Variants in MYT1L observed in about 807,000 individuals in gnomAD.
The protein encoded by MYT1L is myelin transcription factor 1-like protein.
In MYT1L, 12 loss-of-function variants were observed where a neutral mutation model predicts 126.7. The ratio of observed to expected loss-of-function variants is 0.09; its 90% CI spans 0.06 to 0.15. The LOEUF (loss-of-function observed/expected upper bound fraction) is 0.15, where lower values mean the gene tolerates loss of function less well. Ranked by LOEUF, MYT1L falls within the 10% of genes least tolerant of loss-of-function variation. The pLI, the probability that MYT1L is intolerant of heterozygous loss-of-function variation, is 1.00. For missense variants in MYT1L, 979 were observed against 1,585.2 expected, an observed-to-expected ratio of 0.62 and a Z score of 6.49; for synonymous variants, 541 against 604.2, an observed-to-expected ratio of 0.90 and a Z score of 1.53.
Position 1,793,809 on chromosome 2 carries a change from T to C in MYT1L, c.3277-1345A>G, listed in dbSNP as rs941676605. 1.3e-5 allele frequency among the ~76,000 whole-genome samples: 2 copies of C among 152,108 alleles called. No individual in the cohort carries two copies. The highest frequency in any genetic ancestry group is 4.8e-5 in the African/African-American group (2 of 41,412). On this transcript the variant is annotated intron_variant, in intron 23 of 24. Coordinates refer to ENST00000647738, the MANE Select transcript of MYT1L (RefSeq NM_001303052.2). This position sits in a 1 kb window ranked among gnomAD's most constrained non-coding sequence, Gnocchi z 4.6. Reference sequence around the variant, plus strand: ...CTCATTCGTGTTCTTTGGGGTTATTTATCAAATTAATGTTCCCCTCCCAGC... The same window carrying C: ...CTCATTCGTGTTCTTTGGGGTTATTCATCAAATTAATGTTCCCCTCCCAGC...
intron 4 of MYT1L, among the ~76,000 whole-genome samples, chr2:2,013,524 G>A (rs2149778282): frequency 6.6e-6 from 1 of 152,342 alleles, no homozygotes; most frequent in Non-Finnish European, 1.5e-5. Flanking sequence ...GAGGCTCATG[G>A]TCACCGTGAG....
At chr2:2,024,105 CTA>C (rs2065298512) in intron 4 of MYT1L, among the ~76,000 whole-genome samples, 1 of 152,142 alleles carries the variant, frequency 6.6e-6, no homozygotes, top group Admixed American at 6.5e-5. Flanking sequence ...TTTATCTTGA[CTA>C]TAATCTAAAA....
intron 1 of MYT1L, among the ~76,000 whole-genome samples, chr2:2,322,539 G>A (rs1335815331): frequency 1.3e-5 from 2 of 151,788 alleles, no homozygotes; most frequent in Non-Finnish European, 2.9e-5. Flanking sequence ...ATGTGACGGA[G>A]AGTGGCACGC....
chr2:2,173,335 T>C (rs1370503742), intron 2 of MYT1L, among the ~76,000 whole-genome samples: 1 of 152,240 alleles, frequency 6.6e-6, no homozygotes, highest in African/African-American at 2.4e-5. Flanking sequence ...CTTTAACGCT[T>C]TGATGTAATT....
chr2:1,892,215 T>TTGC lies in MYT1L; in HGVS notation c.2102_2104dup (p.Ser701dup), dbSNP rs1397107867. 1.9e-5 allele frequency: 30 copies of TTGC among 1,549,770 alleles called. No individual in the cohort carries two copies. Among genetic ancestry groups the TTGC allele is most frequent in the Non-Finnish European group, 2.3e-5 (26 of 1,146,296 alleles). On this transcript the variant is annotated inframe_insertion, in exon 15 of 25. Coordinates refer to ENST00000647738, the MANE Select transcript of MYT1L (RefSeq NM_001303052.2). The stretch of plus-strand genomic sequence containing the variant: ...GCTGCTGCCCCCGCCGCAGCTCAGG[T>TTGC]TGCTGCTGCTGCTGGGCGCGTAGCT...
At chr2:2,260,991 G>A (rs182518000) in intron 2 of MYT1L, among the ~76,000 whole-genome samples, 1 of 152,124 alleles carries the variant, frequency 6.6e-6, no homozygotes, top group Non-Finnish European at 1.5e-5. Context: ...CTTTGTTAAC[G>A]GTGTTATTTA....
chr2:2,066,636 T>C (rs1366053620), intron 3 of MYT1L, among the ~76,000 whole-genome samples: 3 of 152,010 alleles, frequency 2.0e-5, no homozygotes, highest in Admixed American at 1.3e-4. Flanking sequence ...GGGTGGGGCA[T>C]GGGGAGGAAT....
At chr2:2,275,964 C>T (rs964155084) in intron 2 of MYT1L, among the ~76,000 whole-genome samples, 1 of 152,120 alleles carries the variant, frequency 6.6e-6, no homozygotes, top group African/African-American at 2.4e-5. Context: ...CTTGCCCCAG[C>T]GGGTTTCTCC....
intron 19 of MYT1L, among the ~76,000 whole-genome samples, chr2:1,847,031 C>A (rs1315421463): frequency 1.3e-5 from 2 of 152,162 alleles, no homozygotes. Flanking sequence ...TGTTGAAAGT[C>A]CCCACAGCAC....
intron 9 of MYT1L, among the ~76,000 whole-genome samples, chr2:1,936,809 C>T (rs2055951808): frequency 6.6e-6 from 1 of 152,098 alleles, no homozygotes; most frequent in South Asian, 2.1e-4. Context: ...ACAGCAGACC[C>T]CTCACCCCCT....
intron 5 of MYT1L, among the ~76,000 whole-genome samples, chr2:1,985,852 T>C (rs2149526896): frequency 6.6e-6 from 1 of 152,304 alleles, no homozygotes; most frequent in Middle Eastern, 3.4e-3. Flanking sequence ...ATAGCACTAA[T>C]TCGAGCACGG....
Position 1,870,334 on chromosome 2 carries a change from T to C in MYT1L, c.2711+16205A>G, listed in dbSNP as rs1380400269. On this transcript the variant is annotated intron_variant, in intron 18 of 24. Transcript: ENST00000647738. Reference sequence around the variant, plus strand: ...TGGTGCTGGGGGATAGGTCTTTCCCTGGCATTCTCCTTCCTCAGCTCCCTC... The same window carrying C: ...TGGTGCTGGGGGATAGGTCTTTCCCCGGCATTCTCCTTCCTCAGCTCCCTC... 3.3e-5 allele frequency among the ~76,000 whole-genome samples: 5 copies of C among 152,152 alleles called. No homozygotes were observed. The East Asian group carries it at 9.7e-4, about 29-fold the overall frequency.
At chr2:1,819,163 C>T (rs1420864138) in intron 21 of MYT1L, among the ~76,000 whole-genome samples, 1 of 152,214 alleles carries the variant, frequency 6.6e-6, no homozygotes, top group Non-Finnish European at 1.5e-5. Context: ...GATTCTGGAG[C>T]CACTGCTATT....
At chr2:1,980,268 CTAAA>C (rs956866004) in intron 5 of MYT1L, among the ~76,000 whole-genome samples, 2 of 146,350 alleles carry the variant, frequency 1.4e-5, no homozygotes, top group African/African-American at 5.0e-5. Context: ...CAAGGAGAAT[CTAAA>C]TATTATATAT....
Position 1,892,215 on chromosome 2 carries a change from T to C in MYT1L, c.2105A>G (p.Asn702Ser). 1.3e-6 allele frequency: 2 copies of C among 1,549,886 alleles called. No homozygotes were observed. Among genetic ancestry groups the C allele is most frequent in the Non-Finnish European group, 1.7e-6 (2 of 1,146,288 alleles). The change falls in exon 15 of 25, where the codon AAC (asparagine) becomes AGC (serine). Residue 702 changes from asparagine to serine, a missense_variant. Around this residue, in one of 12 missense-constraint regions of MYT1L, gnomAD observed 57 missense variants for 60.3 expected, o/e 0.94. Transcript: ENST00000647738. ...TSSYAPSSSS[N>S]LSCGGGSSAS... Reference sequence around the variant, plus strand: ...GCTGCTGCCCCCGCCGCAGCTCAGGTTGCTGCTGCTGCTGGGCGCGTAGCT... The same window carrying C: ...GCTGCTGCCCCCGCCGCAGCTCAGGCTGCTGCTGCTGCTGGGCGCGTAGCT...
intron 3 of MYT1L, among the ~76,000 whole-genome samples, chr2:2,124,614 G>A (rs1312278057): frequency 6.6e-6 from 1 of 152,168 alleles, no homozygotes; most frequent in Non-Finnish European, 1.5e-5. Context: ...CTTTATATTT[G>A]CATATTTTTA....
At chr2:2,221,568 G>A (rs2093872970) in intron 2 of MYT1L, among the ~76,000 whole-genome samples, 1 of 152,170 alleles carries the variant, frequency 6.6e-6, no homozygotes, top group Non-Finnish European at 1.5e-5. Flanking sequence ...AGGAGAGAGA[G>A]CAAGAGAAAG....
chr2:1,879,990 A>T (rs757473056), intron 18 of MYT1L, among the ~76,000 whole-genome samples: 45 of 152,358 alleles, frequency 3.0e-4, no homozygotes, highest in African/African-American at 1.1e-3. Context: ...TTTCTTCTGA[A>T]TTTAAAATGT....
chr2:1,796,173 G>C (rs568447046), intron 23 of MYT1L, among the ~76,000 whole-genome samples: 1 of 152,372 alleles, frequency 6.6e-6, no homozygotes, highest in South Asian at 2.1e-4. Flanking sequence ...CTGCAACACA[G>C]CTGCGTGGTC....
Sources: allele counts gnomAD v4.1 joint callset (sites outside exome capture counted in the v4.1 genomes callset), GRCh38; gene constraint gnomAD v4.1.1; regional missense constraint gnomAD v4.1.1; non-coding constraint Gnocchi (gnomAD v3.1); transcripts MANE v1.5; gene names NCBI Gene and HGNC (gene_info 2026-07-23, HGNC 2026-07-21).